Variants in BTBD9 observed in about 807,000 individuals in gnomAD.
BTBD9 encodes BTB/POZ domain-containing protein 9.
BTBD9 carries 49 observed loss-of-function variants against 64.3 expected under a neutral mutation model. That is an observed-to-expected ratio of 0.76 (90% CI 0.61 to 0.97). BTBD9 has a LOEUF of 0.97. Ranked by LOEUF, BTBD9 falls within the 50% of genes least tolerant of loss-of-function variation. BTBD9 has a pLI of 0.00. For missense variants in BTBD9, 598 were observed against 762.1 expected, an observed-to-expected ratio of 0.78 and a Z score of 2.53; for synonymous variants, 260 against 274.7, an observed-to-expected ratio of 0.95 and a Z score of 0.53.
At chr6:38,607,585 G>C (rs933547027) in intron 1 of BTBD9, among the ~76,000 whole-genome samples, 1 of 152,120 alleles carries the variant, frequency 6.6e-6, no homozygotes, top group African/African-American at 2.4e-5. Context: ...GAAACACTAT[G>C]AGATCTTCTG....
At chr6:38,234,367 G>T (rs1763710325) in intron 9 of BTBD9, among the ~76,000 whole-genome samples, 1 of 152,170 alleles carries the variant, frequency 6.6e-6, no homozygotes, top group Non-Finnish European at 1.5e-5. Flanking sequence ...TTGGGCCCAG[G>T]TATGTGACAG....
chr6:38,193,395 C>A (rs572627926), intron 9 of BTBD9, among the ~76,000 whole-genome samples: 2 of 152,182 alleles, frequency 1.3e-5, no homozygotes, highest in Non-Finnish European at 2.9e-5. Context: ...GCCTCTACCC[C>A]CTTCTTTCCT....
intron 1 of BTBD9, among the ~76,000 whole-genome samples, chr6:38,632,907 G>A (rs1562447651): frequency 6.6e-6 from 1 of 151,896 alleles, no homozygotes. Flanking sequence ...ACTCTAGTCT[G>A]GGCAAGAGAG....
At chr6:38,292,314 G>C (rs1294255776) in intron 7 of BTBD9, among the ~76,000 whole-genome samples, 1 of 152,122 alleles carries the variant, frequency 6.6e-6, no homozygotes, top group African/African-American at 2.4e-5. Context: ...TTGGTATCAG[G>C]ATGATGCTGG....
intron 6 of BTBD9, among the ~76,000 whole-genome samples, chr6:38,575,603 A>C (rs758964398): frequency 2.6e-5 from 4 of 152,218 alleles, no homozygotes; most frequent in Non-Finnish European, 4.4e-5. Context: ...GTTAATCTAC[A>C]GAGACATATT....
chr6:38,192,860 C>T (rs1157683444), intron 9 of BTBD9, among the ~76,000 whole-genome samples: 2 of 141,862 alleles, frequency 1.4e-5, no homozygotes, highest in African/African-American at 2.7e-5. Context: ...TCTTACAAAG[C>T]CCTCCATAAA....
chr6:38,430,452 T>A lies in BTBD9; in HGVS notation c.1155-85359A>T, dbSNP rs146327956. On this transcript the variant is annotated intron_variant, in intron 6 of 10. Coordinates refer to ENST00000481247, the MANE Select transcript of BTBD9 (RefSeq NM_001099272.2). ...GCTGCCCAGGCTCATCTTGAACTCCTGGCCTCAAGCAATCTTCCCACCTTG... is the reference window on the plus strand; with the variant it reads ...GCTGCCCAGGCTCATCTTGAACTCCAGGCCTCAAGCAATCTTCCCACCTTG... Among the ~76,000 whole-genome samples, 161 of 151,716 alleles carry A rather than the reference T, an allele frequency of 1.1e-3. No homozygotes were observed. In the East Asian group the frequency reaches 0.026, roughly 25 times the overall value.
chr6:38,250,743 AG>A (rs1561926643), intron 9 of BTBD9, among the ~76,000 whole-genome samples: 1 of 152,210 alleles, frequency 6.6e-6, no homozygotes, highest in African/African-American at 2.4e-5. Context: ...CGTAGTAAAG[AG>A]TCGAGAAATA....
At chr6:38,568,477 C>T (rs2127463142) in intron 6 of BTBD9, among the ~76,000 whole-genome samples, 1 of 152,330 alleles carries the variant, frequency 6.6e-6, no homozygotes, top group South Asian at 2.1e-4. Context: ...AGTTCCGCAG[C>T]TCACTTTTGT....
intron 6 of BTBD9, among the ~76,000 whole-genome samples, chr6:38,382,692 G>A (rs2127616022): frequency 6.6e-6 from 1 of 152,182 alleles, no homozygotes; most frequent in East Asian, 1.9e-4. Flanking sequence ...TGATAAAAGA[G>A]AGAAAGGACA....
intron 6 of BTBD9, among the ~76,000 whole-genome samples, chr6:38,506,470 C>T: frequency 6.6e-6 from 1 of 152,206 alleles, no homozygotes; most frequent in Non-Finnish European, 1.5e-5. Flanking sequence ...GCAGGGCTTG[C>T]TGCCACTGCC....
At chr6:38,239,897 A>T (rs9470835) in intron 9 of BTBD9, among the ~76,000 whole-genome samples, 15,574 of 152,214 alleles carry the variant, frequency 0.1, 1,174 homozygotes, top group East Asian at 0.45. Context: ...TGCTCATCAC[A>T]AACTGAACGT....
chr6:38,396,831 G>A (rs1766695112), intron 6 of BTBD9, among the ~76,000 whole-genome samples: 1 of 150,188 alleles, frequency 6.7e-6, no homozygotes, highest in African/African-American at 2.4e-5. Context: ...ATGTTGAATT[G>A]ATACTTTGAA....
At chr6:38,342,406 G>A (rs561607844) in intron 7 of BTBD9, among the ~76,000 whole-genome samples, 1 of 151,940 alleles carries the variant, frequency 6.6e-6, no homozygotes, top group South Asian at 2.1e-4. Context: ...CGTTGTGGCC[G>A]ACACCTGTAG....
intron 7 of BTBD9, among the ~76,000 whole-genome samples, chr6:38,304,391 C>G (rs561906942): frequency 1.3e-5 from 2 of 151,954 alleles, no homozygotes; most frequent in African/African-American, 4.8e-5. Flanking sequence ...ACTAAAAATA[C>G]AAAAATTAGC....
chr6:38,188,274 A>C (rs1029254608), intron 10 of BTBD9, among the ~76,000 whole-genome samples: 1 of 152,210 alleles, frequency 6.6e-6, no homozygotes, highest in African/African-American at 2.4e-5. Context: ...GTCTCTCTAA[A>C]CAGCCAGCTG....
intron 6 of BTBD9, among the ~76,000 whole-genome samples, chr6:38,409,660 T>C (rs1470814883): frequency 6.6e-6 from 1 of 151,672 alleles, no homozygotes; most frequent in South Asian, 2.1e-4. Context: ...CTGTCTCTAC[T>C]AAAAATAAAA....
chr6:38,235,583 A>C (rs917138666), intron 9 of BTBD9, among the ~76,000 whole-genome samples: 1 of 152,174 alleles, frequency 6.6e-6, no homozygotes, highest in African/African-American at 2.4e-5. Flanking sequence ...AGTGACAAAG[A>C]TGAGCTTGAC....
At chr6:38,565,350 G>C (rs1775445163) in intron 6 of BTBD9, among the ~76,000 whole-genome samples, 1 of 152,092 alleles carries the variant, frequency 6.6e-6, no homozygotes. Context: ...CTACTCACTA[G>C]ATACCAGTAG....
Sources: gnomAD v4.1 joint callset for allele counts (sites outside exome capture counted in the v4.1 genomes callset) on GRCh38, gnomAD v4.1.1 for gene constraint, MANE v1.5 for transcripts, NCBI Gene and HGNC (gene_info 2026-07-23, HGNC 2026-07-21) for gene names.